The following DMD variants were observed in gnomAD, a reference collection of about 807,000 sequenced individuals.
DMD encodes mutant dystrophin.
DMD carries 63 observed loss-of-function variants against 330.1 expected under a neutral mutation model. The observed-to-expected ratio is 0.19, with a 90% confidence interval of 0.16 to 0.24. DMD has a LOEUF of 0.24. DMD is among the 10% of genes least tolerant of loss of function. The pLI is 1.00. For synonymous variants in DMD, 1,223 were observed against 959.8 expected (o/e 1.27, Z -5.07); for missense variants, 3,344 against 2,684.1 (o/e 1.25, Z -5.43).
intron 7 of DMD, among the ~76,000 whole-genome samples, chrX:32,703,822 T>C (rs1394565860): frequency 9.0e-6 from 1 of 111,650 alleles, no homozygotes; most frequent in African/African-American, 3.3e-5. Flanking sequence ...ATGAAAATGA[T>C]GGGATGTAAT....
At chrX:32,254,637 A>G (rs2097291299) in intron 43 of DMD, among the ~76,000 whole-genome samples, 1 of 111,989 alleles carries the variant, frequency 8.9e-6, no homozygotes, top group Admixed American at 9.5e-5. Context: ...AACATGATTC[A>G]TAATGTGAAG....
intron 47 of DMD, among the ~76,000 whole-genome samples, chrX:31,898,163 G>T (rs1358699611): frequency 1.8e-5 from 2 of 110,423 alleles, no homozygotes; most frequent in Non-Finnish European, 3.8e-5. Flanking sequence ...TGGGTAGGAA[G>T]AATCAATATC....
At chrX:31,416,179 C>T (rs1399919891) in intron 60 of DMD, among the ~76,000 whole-genome samples, 2 of 111,950 alleles carry the variant, frequency 1.8e-5, no homozygotes, top group African/African-American at 3.3e-5. Context: ...TCTAGGACAG[C>T]ACAGCCTTCA....
At chrX:33,123,725 G>GT (rs780028344) in intron 1 of DMD, among the ~76,000 whole-genome samples, 9,078 of 85,696 alleles carry the variant, frequency 0.11, 409 homozygotes, top group African/African-American at 0.15. Context: ...GTTCAAATGA[G>GT]TTTTTTTTTT....
intron 13 of DMD, among the ~76,000 whole-genome samples, chrX:32,589,849 G>C (rs1241543366): frequency 1.8e-5 from 2 of 111,270 alleles, no homozygotes; most frequent in Non-Finnish European, 3.8e-5. Flanking sequence ...ACTTTACACA[G>C]AGCCCCAGCT....
chrX:31,301,473 T>C (rs1191509315), intron 62 of DMD, among the ~76,000 whole-genome samples: 1 of 111,439 alleles, frequency 9.0e-6, no homozygotes. Flanking sequence ...AGCAGCAGGA[T>C]AGACACAGTG....
chrX:31,764,075 C>G (rs2089826030), intron 51 of DMD, among the ~76,000 whole-genome samples: 1 of 110,810 alleles, frequency 9.0e-6, no homozygotes, highest in African/African-American at 3.3e-5. Flanking sequence ...GAGATGAAGT[C>G]TCACTCTGTT....
chrX:32,176,140 GTTC>G (rs1337116389), intron 44 of DMD, among the ~76,000 whole-genome samples: 1 of 112,055 alleles, frequency 8.9e-6, no homozygotes, highest in Non-Finnish European at 1.9e-5. Context: ...TTGTCCATCA[GTTC>G]TTCTTCAAAA....
At chrX:31,393,486 A>AC (rs1443303466) in intron 60 of DMD, among the ~76,000 whole-genome samples, 1 of 100,076 alleles carries the variant, frequency 1.0e-5, no homozygotes, top group African/African-American at 4.6e-5. Context: ...CAAAAAAAAA[A>AC]AAAAACAAAA....
At chrX:33,313,355 CAT>C (rs1318024660) in intron 1 of DMD, among the ~76,000 whole-genome samples, 9 of 111,803 alleles carry the variant, frequency 8.0e-5, no homozygotes, top group Non-Finnish European at 1.5e-4. Flanking sequence ...AAATTACAGA[CAT>C]GTGTATTGTT....
intron 9 of DMD, among the ~76,000 whole-genome samples, chrX:32,659,520 G>A (rs1343778600): frequency 9.0e-6 from 1 of 110,662 alleles, no homozygotes; most frequent in Non-Finnish European, 1.9e-5. Context: ...TGTGATTGTG[G>A]AAATGGGGAA....
intron 7 of DMD, among the ~76,000 whole-genome samples, chrX:32,783,159 G>C (rs187229770): frequency 3.3e-5 from 3 of 92,202 alleles, no homozygotes; most frequent in African/African-American, 1.2e-4. Flanking sequence ...CATATATATA[G>C]ATATATGGCA....
chrX:32,918,081 G>C (rs977178969), intron 2 of DMD, among the ~76,000 whole-genome samples: 1 of 110,626 alleles, frequency 9.0e-6, no homozygotes, highest in East Asian at 2.8e-4. Flanking sequence ...TTCAAATGAA[G>C]GTTCGACCTA....
intron 55 of DMD, among the ~76,000 whole-genome samples, chrX:31,624,472 C>T (rs773430963): frequency 6.9e-4 from 77 of 112,009 alleles, no homozygotes; most frequent in Non-Finnish European, 1.2e-3. Context: ...AAATATCTTA[C>T]GAAGTGGCTG....
chrX:31,327,606 G>C (rs1275998682), intron 61 of DMD, among the ~76,000 whole-genome samples: 2 of 111,751 alleles, frequency 1.8e-5, no homozygotes, highest in East Asian at 5.6e-4. Context: ...TCTCATACTT[G>C]GTGGATTTGG....
intron 52 of DMD, among the ~76,000 whole-genome samples, chrX:31,718,722 C>T (rs180908421): frequency 3.6e-4 from 40 of 111,563 alleles, no homozygotes; most frequent in Admixed American, 6.7e-4. Flanking sequence ...ACCTCCAGAA[C>T]CGTGAAAAAC....
intron 57 of DMD, among the ~76,000 whole-genome samples, chrX:31,490,242 T>C (rs940772667): frequency 1.8e-5 from 2 of 112,180 alleles, no homozygotes; most frequent in East Asian, 2.8e-4. Context: ...TTAGAAACTC[T>C]AAGAGGCCAG....
intron 62 of DMD, among the ~76,000 whole-genome samples, chrX:31,289,290 C>CTAA (rs2053503542): frequency 1.3e-5 from 1 of 75,981 alleles, no homozygotes; most frequent in Non-Finnish European, 2.5e-5. Context: ...AAATCCATCT[C>CTAA]AAAAAAAAAA....
chrX:32,653,715 G>A lies in DMD; in HGVS notation c.961-8563C>T, dbSNP rs184439040. Among the ~76,000 whole-genome samples, 545 of 111,726 alleles carry A rather than the reference G, an allele frequency of 4.9e-3. 5 individuals are homozygous for A. The highest frequency in any genetic ancestry group is 0.017 in the African/African-American group (512 of 30,746). ...TGTAGAAAGTCATTGGTAGCTTGAT[G>A]GGGATGGCATTGAATCTATAAATTA... On this transcript the variant is annotated intron_variant, in intron 9 of 78. Coordinates refer to ENST00000357033, the MANE Select transcript of DMD (RefSeq NM_004006.3).
Sources: allele counts gnomAD v4.1 joint callset (sites outside exome capture counted in the v4.1 genomes callset), GRCh38; gene constraint gnomAD v4.1.1; transcripts MANE v1.5; gene names NCBI Gene and HGNC (gene_info 2026-07-23, HGNC 2026-07-21).